Variants in QARS1 observed in about 807,000 individuals in gnomAD.
QARS1 encodes glutaminyl-tRNA synthetase 1.
A neutral mutation model predicts 106.9 loss-of-function variants in QARS1; 79 were observed. The ratio of observed to expected loss-of-function variants is 0.74; its 90% CI spans 0.62 to 0.89. The LOEUF is 0.89. Ranked by LOEUF, QARS1 falls within the 40% of genes least tolerant of loss-of-function variation. The pLI is 0.00. For missense variants in QARS1, 966 were observed against 997.2 expected (o/e 0.97, Z 0.42); for synonymous variants, 395 against 367.7 (o/e 1.07, Z -0.85).
chr3:49,100,734 T>C, intron 10 of QARS1, 60 bp from the exon 11 acceptor site: 1 of 1,345,774 alleles, frequency 7.4e-7, no homozygotes, highest in Non-Finnish European at 1.1e-6. Flanking sequence ...CAATCCTGTT[T>C]ATCAAACTAG....
chr3:49,104,719 G>A lies in QARS1; in HGVS notation c.15C>T (p.Asp5=), dbSNP rs1204792104. 3.1e-6 allele frequency: 5 copies of A among 1,612,728 alleles called. No individual in the cohort carries two copies. Among genetic ancestry groups the A allele is most frequent in the Non-Finnish European group, 4.2e-6 (5 of 1,179,280 alleles). Residue 5 remains aspartate (D), a synonymous_variant, in exon 1 of 24, where the codon GAC becomes GAT. Coordinates refer to ENST00000306125, the MANE Select transcript of QARS1 (RefSeq NM_005051.3). MAAL[D]SLSLFTSLGL... ...CGAGGCTAGTGAAGAGCGACAGGGA[G>A]TCTAGAGCCGCCATTGCAGAGACAC... is the stretch of plus-strand genomic sequence containing the variant.
rs1332410993 is a variant in QARS1 at position 49,098,116 on chromosome 3, G to A, written c.2153C>T (p.Ala718Val). Residue 718 changes from alanine to valine, a missense_variant and splice_region_variant, in exon 23 of 24, where the codon GCA becomes GTA. Ala to Val is a moderately conservative substitution (Grantham distance 64). Transcript: ENST00000306125. ...PGGFLSDLNL[A>V]SLHVVDAALV... ...TGCTGCATCCACCACGTGTAGTGAT[G>A]CCTGCAGGCAGGGAACTCAGGCAAC... is the stretch of plus-strand genomic sequence containing the variant. 6.8e-6 allele frequency: 11 copies of A among 1,614,210 alleles called. No homozygotes were observed. The Admixed American group carries it at 1.5e-4, about 22-fold the overall frequency.
In QARS1 at chr3:49,100,157, C is replaced by G. The variant is rs374346154; in HGVS notation, c.1164+33G>C. The stretch of plus-strand genomic sequence containing the variant: ...GCATCTCATTCTCAGCACCTTGGCC[C>G]ACCCAAACCCAGATGCTCCTCTAGG... On this transcript the variant is annotated intron_variant, in intron 13 of 23. Coordinates refer to ENST00000306125, the MANE Select transcript of QARS1 (RefSeq NM_005051.3). 1.4e-5 allele frequency: 22 copies of G among 1,614,228 alleles called. No homozygotes were observed. In the African/African-American group the frequency reaches 1.6e-4, roughly 12 times the overall value.
At chr3:49,096,177 T>A (rs1575396888) in intron 23 of QARS1, 98 bp from the exon 24 acceptor site, 1 of 1,323,372 alleles carries the variant, frequency 7.6e-7, no homozygotes, top group Non-Finnish European at 1.1e-6. Context: ...ACATCCTTCT[T>A]AAGCCAAAGA....
Position 49,104,638 on chromosome 3 carries a change from C to T in QARS1, c.96G>A (p.Gln32=), listed in dbSNP as rs201606430. ...ETLKNSALSA[Q]LREAATQAQQ... ...GCACCTGAGTAGCGGCCTCGCGCAGCTGCGCGCTCAGAGCCGAGTTCTTGA... is the reference window on the plus strand; with the variant it reads ...GCACCTGAGTAGCGGCCTCGCGCAGTTGCGCGCTCAGAGCCGAGTTCTTGA... Residue 32 remains glutamine, a synonymous_variant, in exon 1 of 24, where the codon CAG becomes CAA. Transcript: ENST00000306125. The T allele has an allele frequency of 2.5e-5, 40 of 1,606,188 alleles. No individual in the cohort carries two copies. Among genetic ancestry groups the T allele is most frequent in the Non-Finnish European group, 2.1e-5 (25 of 1,174,202 alleles).
Position 49,098,933 on chromosome 3 carries a change from C to T in QARS1, c.1815G>A (p.Gln605=). The change falls in exon 19 of 24, where the codon CAG becomes CAA. Residue 605 remains glutamine, a synonymous_variant. Coordinates refer to ENST00000306125, the MANE Select transcript of QARS1 (RefSeq NM_005051.3). ...FPADETKGFH[Q]VPFAPIVFIE... ...TGAAGACAATGGGTGCAAAGGGAAC[C>T]TGATGGAAGCCTTTGGTCTCATCAG... The T allele has an allele frequency of 1.2e-6, 2 of 1,614,162 alleles. No individual in the cohort carries two copies. Among genetic ancestry groups the T allele is most frequent in the South Asian group, 2.2e-5 (2 of 91,076 alleles).
chr3:49,100,778 C>T (rs750799650), intron 10 of QARS1, 104 bp from the exon 11 acceptor site: 3 of 1,039,324 alleles, frequency 2.9e-6, no homozygotes, highest in African/African-American at 3.1e-5. Context: ...TCAGAATTTT[C>T]TTTTTTTTTG....
rs758403898 is a variant in QARS1, at chr3:49,103,986, G to C, written c.266-14C>G. The C allele has an allele frequency of 6.2e-7, 1 of 1,604,778 alleles. No homozygotes were observed. The highest frequency in any genetic ancestry group is 8.5e-7 in the Non-Finnish European group (1 of 1,172,488). On this transcript the variant is annotated splice_polypyrimidine_tract_variant and intron_variant, in intron 2 of 23. Coordinates refer to ENST00000306125, the MANE Select transcript of QARS1 (RefSeq NM_005051.3). ...ACTCAAGGGCAGCTGAGAAGAAAGA[G>C]CCCGTGAGTTTGTGGCATCTCTGCT...
chr3:49,101,333 A>G, intron 10 of QARS1, 22 bp downstream of exon 10: 7 of 1,570,532 alleles, frequency 4.5e-6, no homozygotes, highest in Non-Finnish European at 6.1e-6. Flanking sequence ...CTTGCTTGCC[A>G]GGTCCCTAGA....
At chr3:49,097,103 G>T in intron 23 of QARS1, 1 of 152,194 alleles carries the variant, frequency 6.6e-6, no homozygotes, top group South Asian at 2.0e-4. Flanking sequence ...AGTAATTCAA[G>T]ACCAACCTGG....
intron 2 of QARS1, 158 bp downstream of exon 2, chr3:49,104,166 C>G: frequency 1.7e-6 from 2 of 1,197,692 alleles, no homozygotes; most frequent in Non-Finnish European, 2.5e-6. Context: ...TGACAGTTCC[C>G]GTGTCAGTCT....
rs754974684 is a variant in QARS1 at position 49,104,346 on chromosome 3, G to A, written c.243C>T (p.Ile81=). The change falls in exon 2 of 24, where the codon ATC becomes ATT. Residue 81 remains isoleucine (I), a synonymous_variant. Coordinates refer to ENST00000306125, the MANE Select transcript of QARS1 (RefSeq NM_005051.3). ...CACCGCTTAGCTGGGGCTCAGTGTGGATCTTCTTACTGGCTATGTAGCTTA... is the reference window on the plus strand; with the variant it reads ...CACCGCTTAGCTGGGGCTCAGTGTGAATCTTCTTACTGGCTATGTAGCTTA... ...FLVSYIASKK[I]HTEPQLSAAL... 6.2e-7 allele frequency: 1 copy of A among 1,614,204 alleles called. No homozygotes were observed. The highest frequency in any genetic ancestry group is 8.5e-7 in the Non-Finnish European group (1 of 1,180,032).
At chr3:49,102,182 G>C (rs2042479990) in intron 7 of QARS1, 23 bp downstream of exon 7, 8 of 1,614,122 alleles carry the variant, frequency 5.0e-6, no homozygotes, top group Non-Finnish European at 6.8e-6. Context: ...TGAATGCTGT[G>C]ACAGGAGTCT....
intron 7 of QARS1, 37 bp from the exon 8 acceptor site, chr3:49,101,936 A>T: frequency 6.3e-7 from 1 of 1,582,044 alleles, no homozygotes; most frequent in South Asian, 1.1e-5. Flanking sequence ...TGTCCTCTAG[A>T]TACATTTACC....
intron 23 of QARS1, among the ~76,000 whole-genome samples, chr3:49,097,571 C>T (rs2042408465): frequency 6.6e-6 from 1 of 151,638 alleles, no homozygotes; most frequent in African/African-American, 2.4e-5. Flanking sequence ...CCGAGGCGGG[C>T]AGATCATGAA....
intron 2 of QARS1, 141 bp from the exon 3 acceptor site, chr3:49,104,113 GAAGA>G (rs1559970618): frequency 9.9e-6 from 11 of 1,113,016 alleles, no homozygotes; most frequent in Non-Finnish European, 1.3e-5. Flanking sequence ...AGAACACAGG[GAAGA>G]AAGAAGCACG....
chr3:49,100,192 C>T lies in QARS1; in HGVS notation c.1162G>A (p.Glu388Lys), dbSNP rs749042622. Reference protein sequence around the residue: ...RPMEESLLLFEAMRKGKFSEG... With the variant: ...RPMEESLLLFKAMRKGKFSEG... ...CAGATGCTCCTCTAGGACCCCACCT[C>T]AAAGAGCAGCAGTGACTCCTCCATG... Residue 388 changes from glutamate to lysine, a missense_variant and splice_region_variant, in exon 13 of 24, where the codon GAG becomes AAG. Coordinates refer to ENST00000306125, the MANE Select transcript of QARS1 (RefSeq NM_005051.3). The T allele has an allele frequency of 2.5e-6, 4 of 1,614,254 alleles. 1 individual carries two copies. The highest frequency in any genetic ancestry group is 2.5e-6 in the Non-Finnish European group (3 of 1,180,046).
chr3:49,102,255 G>A lies in QARS1; in HGVS notation c.581C>T (p.Ala194Val). 6.2e-7 allele frequency: 1 copy of A among 1,614,220 alleles called. No homozygotes were observed. Among genetic ancestry groups the A allele is most frequent in the Non-Finnish European group, 8.5e-7 (1 of 1,180,038 alleles). ...CCTCCGGTCTGTTTCTTCTAGCCGAGCTTTTGCCACCTGAAAGAAGCCCCA... is the reference window on the plus strand; with the variant it reads ...CCTCCGGTCTGTTTCTTCTAGCCGAACTTTTGCCACCTGAAAGAAGCCCCA... ...DLEKKFKVAK[A>V]RLEETDRRTA... Residue 194 changes from alanine to valine, a missense_variant, in exon 7 of 24, where the codon GCT becomes GTT. Physicochemically the swap from Ala to Val is moderately conservative, Grantham distance 64. Transcript: ENST00000306125.
At chr3:49,098,793 C>A in intron 19 of QARS1, 92 bp downstream of exon 19, 1 of 1,500,408 alleles carries the variant, frequency 6.7e-7, no homozygotes. Flanking sequence ...TCATCTGAAG[C>A]AGGAAGTAGA....
Sources: allele counts gnomAD v4.1 joint callset (sites outside exome capture counted in the v4.1 genomes callset), GRCh38; gene constraint gnomAD v4.1.1; transcripts MANE v1.5; gene names NCBI Gene and HGNC (gene_info 2026-07-23, HGNC 2026-07-21).